The following FRMPD4 variants were observed in gnomAD, a reference collection of about 807,000 sequenced individuals.
FRMPD4 encodes the protein FERM and PDZ domain-containing protein 4.
In FRMPD4, 22 loss-of-function variants were observed where a neutral mutation model predicts 94.1. The observed-to-expected ratio is 0.23, with a 90% CI of 0.17 to 0.33. FRMPD4 has a LOEUF of 0.33. Ranked by LOEUF, FRMPD4 falls within the 10% of genes least tolerant of loss-of-function variation. The pLI is 1.00. For synonymous variants in FRMPD4, 631 were observed against 548.6 expected, an observed-to-expected ratio of 1.15 and a Z score of -2.10; for missense variants, 1,111 against 1,339.9, an observed-to-expected ratio of 0.83 and a Z score of 2.67.
At chrX:12,470,380 G>A (rs1434559443) in intron 1 of FRMPD4, among the ~76,000 whole-genome samples, 1 of 111,804 alleles carries the variant, frequency 8.9e-6, no homozygotes, top group African/African-American at 3.2e-5. Context: ...TACAGCGACT[G>A]ATGAGCCCCT....
At chrX:12,695,951 G>A (rs2060124115) in intron 9 of FRMPD4, among the ~76,000 whole-genome samples, 1 of 108,048 alleles carries the variant, frequency 9.3e-6, no homozygotes, top group Non-Finnish European at 1.9e-5. Flanking sequence ...GGTCAGGTTG[G>A]TCTCGAACTC....
intron 4 of FRMPD4, among the ~76,000 whole-genome samples, chrX:12,616,424 T>C (rs2059236602): frequency 8.9e-6 from 1 of 111,805 alleles, no homozygotes; most frequent in African/African-American, 3.3e-5. Flanking sequence ...AGGTACTTTG[T>C]TGTAGCAGCT....
At chrX:12,096,603 C>T (rs2055205002) in intron 3 of FRMPD4, among the ~76,000 whole-genome samples, 1 of 111,975 alleles carries the variant, frequency 8.9e-6, no homozygotes, top group African/African-American at 3.2e-5. Flanking sequence ...AATCAAAACA[C>T]TTTTGTGCAG....
At chrX:12,446,506 G>A (rs1042290233) in intron 1 of FRMPD4, among the ~76,000 whole-genome samples, 1 of 112,232 alleles carries the variant, frequency 8.9e-6, no homozygotes, top group Middle Eastern at 4.6e-3. Flanking sequence ...ATCTTGAATT[G>A]TAGCACCCAT....
intron 3 of FRMPD4, among the ~76,000 whole-genome samples, chrX:12,039,761 G>C (rs894290415): frequency 2.7e-5 from 3 of 109,468 alleles, no homozygotes; most frequent in South Asian, 4.0e-4. Flanking sequence ...CCTGAGGTAG[G>C]GACTCGGAGA....
chrX:11,953,246 T>C (rs1343674595), intron 3 of FRMPD4, among the ~76,000 whole-genome samples: 2 of 111,942 alleles, frequency 1.8e-5, no homozygotes, highest in African/African-American at 3.2e-5. Context: ...GTCAATGTCA[T>C]TGCAAATAGA....
chrX:11,858,522 G>A (rs1470422113), intron 1 of FRMPD4, among the ~76,000 whole-genome samples: 1 of 111,055 alleles, frequency 9.0e-6, no homozygotes, highest in Non-Finnish European at 1.9e-5. Flanking sequence ...TGGACACAGA[G>A]GGGAACAACA....
At chrX:12,109,695 A>G (rs989912962) in intron 3 of FRMPD4, among the ~76,000 whole-genome samples, 5 of 111,902 alleles carry the variant, frequency 4.5e-5, no homozygotes, top group African/African-American at 1.6e-4. Context: ...ATAAGAAAAG[A>G]GGGGAGAATC....
At chrX:12,593,510 A>G (rs1252233603) in intron 2 of FRMPD4, among the ~76,000 whole-genome samples, 1 of 112,220 alleles carries the variant, frequency 8.9e-6, no homozygotes, top group Non-Finnish European at 1.9e-5. Flanking sequence ...TTTTTTAAAA[A>G]TAATTCCTTT....
intron 1 of FRMPD4, among the ~76,000 whole-genome samples, chrX:12,232,075 T>C (rs904849178): frequency 7.2e-5 from 8 of 111,359 alleles, no homozygotes; most frequent in African/African-American, 2.6e-4. Flanking sequence ...ACGGACTGTA[T>C]GGTCACCTGT....
chrX:12,609,438 T>C (rs1470316082), intron 2 of FRMPD4, among the ~76,000 whole-genome samples: 2 of 111,618 alleles, frequency 1.8e-5, no homozygotes, highest in Non-Finnish European at 3.8e-5. Context: ...GCCAGGACAG[T>C]CCTCTTCAAG....
intron 1 of FRMPD4, among the ~76,000 whole-genome samples, chrX:12,441,715 G>T (rs1601946855): frequency 2.7e-5 from 3 of 112,367 alleles, no homozygotes; most frequent in Admixed American, 1.9e-4. Context: ...GAATGGTGTA[G>T]TAGCAAAGTA....
At chrX:12,285,138 T>C (rs2054582234) in intron 1 of FRMPD4, among the ~76,000 whole-genome samples, 1 of 111,526 alleles carries the variant, frequency 9.0e-6, no homozygotes, top group Non-Finnish European at 1.9e-5. Context: ...AATAGAAATA[T>C]TGAAGGGAAG....
At chrX:12,262,623 A>G (rs2054208983) in intron 1 of FRMPD4, among the ~76,000 whole-genome samples, 1 of 112,051 alleles carries the variant, frequency 8.9e-6, no homozygotes, top group Non-Finnish European at 1.9e-5. Context: ...CATAATAAGC[A>G]CTCATGTTAC....
chrX:12,246,914 A>T (rs186057928), intron 1 of FRMPD4, among the ~76,000 whole-genome samples: 2 of 111,874 alleles, frequency 1.8e-5, no homozygotes, highest in Non-Finnish European at 3.8e-5. Context: ...TGGCCACCTA[A>T]GTTTGTGATT....
upstream of FRMPD4, among the ~76,000 whole-genome samples, chrX:12,134,230 A>G (rs857347): frequency 0.075 from 8,407 of 111,852 alleles, 275 homozygotes; most frequent in Non-Finnish European, 0.086. Flanking sequence ...CTCCCTTTCC[A>G]TCAGAAGAAT....
chrX:11,980,125 A>G (rs1370306872), intron 3 of FRMPD4, among the ~76,000 whole-genome samples: 1 of 111,276 alleles, frequency 9.0e-6, no homozygotes, highest in Non-Finnish European at 1.9e-5. Context: ...TTTTGTTTAT[A>G]TTTATGGGAC....
chrX:11,886,229 T>G (rs184051260), intron 3 of FRMPD4, among the ~76,000 whole-genome samples: 2,402 of 111,664 alleles, frequency 0.022, 23 homozygotes, highest in Middle Eastern at 0.037. Flanking sequence ...CTATTCATAA[T>G]TTTCCCGAAT....
intron 1 of FRMPD4, among the ~76,000 whole-genome samples, chrX:12,276,602 T>G (rs1294372802): frequency 9.0e-6 from 1 of 111,444 alleles, no homozygotes; most frequent in Non-Finnish European, 1.9e-5. Context: ...GAAAATAGAT[T>G]ATAAAATTTC....
Sources: gnomAD v4.1 joint callset for allele counts (sites outside exome capture counted in the v4.1 genomes callset) on GRCh38, gnomAD v4.1.1 for gene constraint, MANE v1.5 for transcripts, NCBI Gene and HGNC (gene_info 2026-07-23, HGNC 2026-07-21) for gene names.